ZNF81: variants seen among roughly 807,000 people sequenced by gnomAD.
ZNF81 encodes zinc finger protein 81 (HFZ20).
A neutral mutation model predicts 32.3 loss-of-function variants in ZNF81; 5 were observed. The ratio of observed to expected loss-of-function variants is 0.15; its 90% CI spans 0.08 to 0.33. The LOEUF (loss-of-function observed/expected upper bound fraction) is 0.33. ZNF81 is among the 10% of genes least tolerant of loss of function. ZNF81 has a pLI of 1.00. For synonymous variants in ZNF81, 163 were observed against 166.8 expected (o/e 0.98, Z 0.17); for missense variants, 379 against 479.8 (o/e 0.79, Z 1.96).
intron 2 of ZNF81, among the ~76,000 whole-genome samples, chrX:47,874,548 G>A (rs2058592221): frequency 8.9e-6 from 1 of 112,362 alleles, no homozygotes; most frequent in Non-Finnish European, 1.9e-5. Flanking sequence ...AGTAATACTG[G>A]CTGAGTTGAA....
intron 2 of ZNF81, among the ~76,000 whole-genome samples, chrX:47,866,264 G>T (rs782495075): frequency 8.9e-6 from 1 of 112,190 alleles, no homozygotes; most frequent in African/African-American, 3.2e-5. Flanking sequence ...GCCAGCATCA[G>T]CTTGGCTGCA....
In ZNF81 at chrX:47,854,927, C is replaced by G. The variant is rs782104739; in HGVS notation, c.54+8606C>G. On this transcript the variant is annotated intron_variant, in intron 2 of 4. Coordinates refer to ENST00000338637, the MANE Select transcript of ZNF81 (RefSeq NM_007137.5). ...TGGCCAAGATGGTGAAACCCCGTCTCTACTAAAAATACAAAATATTAGCCG... is the reference window on the plus strand; with the variant it reads ...TGGCCAAGATGGTGAAACCCCGTCTGTACTAAAAATACAAAATATTAGCCG... 2.7e-5 allele frequency among the ~76,000 whole-genome samples: 3 copies of G among 110,546 alleles called. No homozygotes were observed. In the East Asian group the frequency reaches 8.5e-4, roughly 31 times the overall value.
chrX:47,919,202 A>T lies in ZNF81; in HGVS notation c.*2570A>T. The T allele has an allele frequency of 3.0e-6, 1 of 330,420 alleles. No individual in the cohort carries two copies. The highest frequency in any genetic ancestry group is 5.9e-6 in the Non-Finnish European group (1 of 169,739). The allele number at this position is 330,420 out of a possible 1,213,427, so 27.2% of individuals were successfully genotyped here. ...GACCAGAAGACACACTGTGTTAGGT[A>T]GAAAAATGCTACAGATGTCTTCATC... On this transcript the variant is annotated 3_prime_UTR_variant, in exon 5 of 5. Transcript: ENST00000338637.
chrX:47,870,427 T>C (rs1387750554), intron 2 of ZNF81, among the ~76,000 whole-genome samples: 2 of 112,507 alleles, frequency 1.8e-5, no homozygotes, highest in Non-Finnish European at 3.8e-5. Flanking sequence ...ATTCATTTGC[T>C]CCACTTGTCC....
At chrX:47,867,643 C>A (rs1375367261) in intron 2 of ZNF81, among the ~76,000 whole-genome samples, 4 of 112,043 alleles carry the variant, frequency 3.6e-5, no homozygotes, top group African/African-American at 1.3e-4. Flanking sequence ...GTGGGAAAAT[C>A]CTTTAAGTAT....
At chrX:47,840,895 C>T (rs2058446473) in intron 1 of ZNF81, 1 of 432,631 alleles carries the variant, frequency 2.3e-6, no homozygotes, top group South Asian at 3.4e-5. Flanking sequence ...GATAAAAATT[C>T]CCCCCAAAAA....
chrX:47,915,621 A>G lies in ZNF81; in HGVS notation c.975A>G (p.Arg325=). 1 of 1,210,502 alleles carries G rather than the reference A, an allele frequency of 8.3e-7. No homozygotes were observed. Among genetic ancestry groups the G allele is most frequent in the Non-Finnish European group, 1.1e-6 (1 of 894,567 alleles). The part of the protein sequence containing the change: ...PLLSIYLRVH[R]DEKLYICTKC... The stretch of plus-strand genomic sequence containing the variant: ...TCAGTATATATCTGAGAGTTCATAG[A>G]GATGAAAAACTCTACATATGTACTA... Residue 325 remains arginine (R), a synonymous_variant, in exon 5 of 5, where the codon AGA becomes AGG. Transcript: ENST00000338637.
intron 2 of ZNF81, among the ~76,000 whole-genome samples, chrX:47,862,523 CAA>C (rs5902400): frequency 1.5e-3 from 116 of 76,607 alleles, no homozygotes; most frequent in African/African-American, 4.0e-3. Context: ...GACTCCGTCT[CAA>C]AAAAAAAAAA....
rs2058649186 is a variant in ZNF81, at chrX:47,888,076, C to T, written c.132C>T (p.Arg44=). The change falls in exon 3 of 5, where the codon CGC becomes CGT. Residue 44 remains arginine, a synonymous_variant. Transcript: ENST00000338637. ...AGCAACTGGACTCTACTCAAAGACG[C>T]CTGTACCAGGATGTAATGTTGGAGA... is the stretch of plus-strand genomic sequence containing the variant. ...EWQQLDSTQR[R]LYQDVMLENY... 8.3e-7 allele frequency: 1 copy of T among 1,210,423 alleles called. No individual in the cohort carries two copies. Among genetic ancestry groups the T allele is most frequent in the East Asian group, 3.0e-5 (1 of 33,793 alleles).
chrX:47,866,027 G>A (rs953814535), intron 2 of ZNF81, among the ~76,000 whole-genome samples: 5 of 112,258 alleles, frequency 4.5e-5, no homozygotes, highest in Non-Finnish European at 9.4e-5. Flanking sequence ...CTACTCACTG[G>A]TGTTAAATGA....
chrX:47,866,005 C>T (rs1225186272), intron 2 of ZNF81, among the ~76,000 whole-genome samples: 1 of 112,283 alleles, frequency 8.9e-6, no homozygotes. Flanking sequence ...GGTGGTCACA[C>T]TAAAGCCTAA....
At chrX:47,871,846 C>T (rs1174816888) in intron 2 of ZNF81, among the ~76,000 whole-genome samples, 6 of 112,023 alleles carry the variant, frequency 5.4e-5, no homozygotes, top group African/African-American at 1.9e-4. Context: ...CAGACATTCC[C>T]AACAGCATCC....
intron 4 of ZNF81, among the ~76,000 whole-genome samples, chrX:47,914,308 T>C (rs2058748851): frequency 1.8e-5 from 2 of 111,462 alleles, no homozygotes; most frequent in Admixed American, 1.9e-4. Flanking sequence ...AGATACCTCA[T>C]AGGACCTCTG....
intron 2 of ZNF81, among the ~76,000 whole-genome samples, chrX:47,855,602 G>A (rs1340739697): frequency 9.0e-6 from 1 of 110,559 alleles, no homozygotes; most frequent in Non-Finnish European, 1.9e-5. Flanking sequence ...GGAATTTACT[G>A]TTTTCTTGAT....
chrX:47,841,734 A>G (rs1436342309), intron 1 of ZNF81: 1 of 493,271 alleles, frequency 2.0e-6, no homozygotes, highest in Non-Finnish European at 3.4e-6. Context: ...ATCTTTGTCA[A>G]TCTTGCTGGA....
chrX:47,842,618 T>G (rs903601910), intron 1 of ZNF81: 8 of 111,669 alleles, frequency 7.2e-5, no homozygotes, highest in Non-Finnish European at 1.3e-4. Flanking sequence ...CTTTCTTTTC[T>G]GTGTTTTGGT....
intron 2 of ZNF81, among the ~76,000 whole-genome samples, chrX:47,879,640 T>C (rs1487624872): frequency 8.9e-6 from 1 of 112,248 alleles, no homozygotes; most frequent in Admixed American, 9.4e-5. Context: ...TCCTTTGTCC[T>C]GAAGGGAGAA....
chrX:47,873,667 TTTG>T (rs1489573897), intron 2 of ZNF81, among the ~76,000 whole-genome samples: 1 of 111,153 alleles, frequency 9.0e-6, no homozygotes, highest in African/African-American at 3.3e-5. Flanking sequence ...TGTTTGTTTG[TTTG>T]TTTTGTTTTG....
intron 2 of ZNF81, among the ~76,000 whole-genome samples, chrX:47,871,244 A>T (rs1285637277): frequency 8.9e-6 from 1 of 112,023 alleles, no homozygotes; most frequent in African/African-American, 3.2e-5. Flanking sequence ...AGTTCCCATG[A>T]AGTCAAGAAT....
Sources: gnomAD v4.1 joint callset for allele counts (sites outside exome capture counted in the v4.1 genomes callset) on GRCh38, gnomAD v4.1.1 for gene constraint, MANE v1.5 for transcripts, NCBI Gene and HGNC (gene_info 2026-07-23, HGNC 2026-07-21) for gene names.